ANK3: variants seen among roughly 807,000 people sequenced by gnomAD.
ANK3 encodes the protein ankyrin-3.
In ANK3, 57 loss-of-function variants were observed where a neutral mutation model predicts 370.9. That is an observed-to-expected ratio of 0.15 (90% CI 0.12 to 0.19). The LOEUF (loss-of-function observed/expected upper bound fraction) is 0.19, where lower values mean the gene tolerates loss of function less well. Among genes scored for constraint, ANK3 ranks in the 10% least tolerant of loss-of-function variants. The pLI, the probability that ANK3 is intolerant of heterozygous loss-of-function variation, is 1.00. For missense variants in ANK3, 4,439 were observed against 5,302.1 expected (o/e 0.84, Z 5.06); for synonymous variants, 1,929 against 1,946.3 (o/e 0.99, Z 0.23).
chr10:60,530,409 T>C (rs1354938266), intron 2 of ANK3, among the ~76,000 whole-genome samples: 1 of 151,590 alleles, frequency 6.6e-6, no homozygotes, highest in Non-Finnish European at 1.5e-5. Context: ...CTAAATATTT[T>C]ATGTGCTTAA....
At chr10:60,159,811 G>A (rs1214562027) in intron 23 of ANK3, among the ~76,000 whole-genome samples, 1 of 152,054 alleles carries the variant, frequency 6.6e-6, no homozygotes, top group South Asian at 2.1e-4. Flanking sequence ...ATATGCTCCT[G>A]AACGACCATT....
intron 8 of ANK3, among the ~76,000 whole-genome samples, chr10:60,231,117 G>C (rs979301217): frequency 2.0e-5 from 3 of 152,076 alleles, no homozygotes; most frequent in African/African-American, 7.2e-5. Context: ...ACTTTTCTCA[G>C]GTCACAATTT....
chr10:60,278,142 A>C (rs919380438), intron 4 of ANK3, among the ~76,000 whole-genome samples: 1 of 152,220 alleles, frequency 6.6e-6, no homozygotes, highest in Non-Finnish European at 1.5e-5. Context: ...TGTTCATTAC[A>C]AAGAATCTGA....
At chr10:60,716,081 G>T (rs1452204170) in intron 1 of ANK3, among the ~76,000 whole-genome samples, 1 of 151,974 alleles carries the variant, frequency 6.6e-6, no homozygotes, top group African/African-American at 2.4e-5. Flanking sequence ...AGTTTTTCTT[G>T]TGTACCTATT....
intron 2 of ANK3, among the ~76,000 whole-genome samples, chr10:60,556,677 G>A (rs1376953145): frequency 6.6e-6 from 1 of 152,138 alleles, no homozygotes; most frequent in East Asian, 1.9e-4. Flanking sequence ...AATGTGACTA[G>A]ATAAGTAATA....
At chr10:60,216,819 G>A (rs915064493) in intron 8 of ANK3, among the ~76,000 whole-genome samples, 4 of 152,042 alleles carry the variant, frequency 2.6e-5, no homozygotes, top group Admixed American at 1.3e-4. Flanking sequence ...TTAATTGTTT[G>A]GAAGAGTTTC....
Position 60,196,417 on chromosome 10 carries a change from T to C in ANK3, c.1788+110A>G, listed in dbSNP as rs113533652. The C allele has an allele frequency of 4.2e-5, 39 of 928,020 alleles. No individual in the cohort carries two copies. In the African/African-American group the frequency reaches 4.6e-4, roughly 11 times the overall value. The allele number at this position is 928,020 out of a possible 1,614,324, so 57.5% of individuals were successfully genotyped here. Reference sequence around the variant, plus strand: ...ATTTCCCAAGTGCTCTTCATCCTAGTGGGACTTAAATATTTAGTTATAATT... The same window carrying C: ...ATTTCCCAAGTGCTCTTCATCCTAGCGGGACTTAAATATTTAGTTATAATT... On this transcript the variant is annotated intron_variant, in intron 15 of 43. Coordinates refer to ENST00000280772, the MANE Select transcript of ANK3 (RefSeq NM_020987.5).
At chr10:60,363,015 CT>C (rs1201148293) in intron 1 of ANK3, among the ~76,000 whole-genome samples, 3 of 145,138 alleles carry the variant, frequency 2.1e-5, no homozygotes. Context: ...TTTTGCTACC[CT>C]TTCCAGCAGA....
intron 1 of ANK3, among the ~76,000 whole-genome samples, chr10:60,700,487 T>C (rs1393798555): frequency 6.6e-6 from 1 of 152,088 alleles, no homozygotes; most frequent in Non-Finnish European, 1.5e-5. Flanking sequence ...GAAGTTGATT[T>C]GGAAAAATAA....
intron 13 of ANK3, among the ~76,000 whole-genome samples, 179 bp downstream of exon 13, chr10:60,199,950 T>C (rs762119335): frequency 9.2e-5 from 14 of 152,244 alleles, no homozygotes; most frequent in Non-Finnish European, 1.8e-4. Flanking sequence ...AATAATAGAA[T>C]GAACAAATGT....
At chr10:60,561,037 C>T (rs1300626332) in intron 2 of ANK3, among the ~76,000 whole-genome samples, 2 of 152,010 alleles carry the variant, frequency 1.3e-5, no homozygotes, top group African/African-American at 2.4e-5. Flanking sequence ...GTGGCAAAAT[C>T]ACTGTATGTA....
intron 2 of ANK3, among the ~76,000 whole-genome samples, chr10:60,402,721 G>C (rs1189822653): frequency 6.6e-6 from 1 of 152,182 alleles, no homozygotes; most frequent in African/African-American, 2.4e-5. Context: ...GGTTAGCCTG[G>C]TAGATAATCA....
intron 1 of ANK3, among the ~76,000 whole-genome samples, chr10:60,360,461 C>A (rs1162496619): frequency 6.6e-6 from 1 of 152,182 alleles, no homozygotes; most frequent in African/African-American, 2.4e-5. Context: ...GTAGTCCCAG[C>A]ACTTTGAGAG....
chr10:60,102,948 A>G (rs2091529674), intron 28 of ANK3, among the ~76,000 whole-genome samples: 1 of 151,986 alleles, frequency 6.6e-6, no homozygotes, highest in Non-Finnish European at 1.5e-5. Flanking sequence ...AAATAATGGT[A>G]AGACAATTTA....
chr10:60,512,272 C>T (rs2076105114), intron 2 of ANK3, among the ~76,000 whole-genome samples: 1 of 152,044 alleles, frequency 6.6e-6, no homozygotes, highest in Admixed American at 6.6e-5. Context: ...AGTGCAGTCA[C>T]TAAAAACCAA....
chr10:60,080,840 A>G (rs1361214002), intron 35 of ANK3, among the ~76,000 whole-genome samples: 1 of 152,206 alleles, frequency 6.6e-6, no homozygotes, highest in Non-Finnish European at 1.5e-5. Context: ...AGGGAAGTAC[A>G]AGTAAAAGAC....
At chr10:60,443,476 C>T (rs2064353600) in intron 2 of ANK3, among the ~76,000 whole-genome samples, 1 of 152,074 alleles carries the variant, frequency 6.6e-6, no homozygotes, top group Non-Finnish European at 1.5e-5. Flanking sequence ...ACCACTCTGG[C>T]ACAAAAATAA....
At chr10:60,484,851 T>C (rs1435114843) in intron 2 of ANK3, among the ~76,000 whole-genome samples, 1 of 152,188 alleles carries the variant, frequency 6.6e-6, no homozygotes, top group East Asian at 1.9e-4. Context: ...ATGAATCCAA[T>C]GTTACTTTCC....
intron 1 of ANK3, among the ~76,000 whole-genome samples, chr10:60,676,615 C>T (rs768935836): frequency 2.0e-5 from 3 of 152,106 alleles, no homozygotes; most frequent in Non-Finnish European, 4.4e-5. Context: ...CATTAAGGAT[C>T]ATTAATCATC....
Sources: allele counts gnomAD v4.1 joint callset (sites outside exome capture counted in the v4.1 genomes callset), GRCh38; gene constraint gnomAD v4.1.1; transcripts MANE v1.5; gene names NCBI Gene and HGNC (gene_info 2026-07-23, HGNC 2026-07-21).